Variants in SYT16 observed in about 807,000 individuals in gnomAD.
SYT16 encodes synaptotagmin 16.
Under a neutral mutation model 61.4 loss-of-function variants are expected in SYT16, and 42 were observed. The observed-to-expected ratio is 0.68, with a 90% confidence interval of 0.53 to 0.89. The LOEUF is 0.89. SYT16 is among the 40% of genes least tolerant of loss of function. SYT16 has a pLI of 0.00. For missense variants in SYT16, 804 were observed against 807.3 expected, an observed-to-expected ratio of 1.00 and a Z score of 0.05; for synonymous variants, 314 against 302.3, an observed-to-expected ratio of 1.04 and a Z score of -0.40.
intron 1 of SYT16, among the ~76,000 whole-genome samples, chr14:61,871,722 C>G (rs2047338381): frequency 6.6e-6 from 1 of 152,296 alleles, no homozygotes; most frequent in African/African-American, 2.4e-5. Flanking sequence ...GATTCCTTAA[C>G]TTTTTCACAT....
rs997629386 is a variant in SYT16, at chr14:62,103,360, T to C, written c.*2653T>C. The C allele has an allele frequency of 8.5e-5, 13 of 152,228 alleles. No homozygotes were observed. The highest frequency in any genetic ancestry group is 3.1e-4 in the African/African-American group (13 of 41,456). The allele number at this position is 152,228 out of a possible 1,614,324, so 9.4% of individuals were successfully genotyped here. On this transcript the variant is annotated 3_prime_UTR_variant, in exon 8 of 8. Transcript: ENST00000683842. ...TAATATCTCATAGGGAGATTTGACATTGAAGCAGCACTGGTTTTTGTTGCT... is the reference window on the plus strand; with the variant it reads ...TAATATCTCATAGGGAGATTTGACACTGAAGCAGCACTGGTTTTTGTTGCT...
intron 1 of SYT16, among the ~76,000 whole-genome samples, chr14:61,953,060 T>A (rs1015752560): frequency 6.6e-6 from 1 of 152,210 alleles, no homozygotes; most frequent in Non-Finnish European, 1.5e-5. Flanking sequence ...TTCTCTTCTT[T>A]TAGTTCTAGA....
chr14:61,988,886 T>G (rs952633323), intron 2 of SYT16, among the ~76,000 whole-genome samples: 26 of 152,142 alleles, frequency 1.7e-4, no homozygotes, highest in Non-Finnish European at 5.9e-5. Flanking sequence ...ATCGCATTTT[T>G]TTTTTAAAGA....
chr14:62,032,414 T>C (rs570930716), intron 3 of SYT16, among the ~76,000 whole-genome samples: 2 of 152,244 alleles, frequency 1.3e-5, no homozygotes, highest in Non-Finnish European at 2.9e-5. Flanking sequence ...TTTAAAAGAA[T>C]CAAGGATCAT....
chr14:61,886,972 C>A (rs376108958), intron 1 of SYT16, among the ~76,000 whole-genome samples: 2 of 144,920 alleles, frequency 1.4e-5, no homozygotes, highest in Admixed American at 7.2e-5. Flanking sequence ...CTCCTGGGCT[C>A]AAGCTATCCT....
chr14:61,919,434 A>T (rs566222143), intron 1 of SYT16, among the ~76,000 whole-genome samples: 1 of 152,246 alleles, frequency 6.6e-6, no homozygotes, highest in Non-Finnish European at 1.5e-5. Flanking sequence ...TCTCACTGGG[A>T]TAAATCAAGA....
At chr14:62,054,013 G>A (rs1041004397) in intron 3 of SYT16, among the ~76,000 whole-genome samples, 1 of 152,216 alleles carries the variant, frequency 6.6e-6, no homozygotes, top group African/African-American at 2.4e-5. Flanking sequence ...CCGTGAATGT[G>A]CATATCCATG....
chr14:62,065,085 T>C (rs1156994074), intron 3 of SYT16, among the ~76,000 whole-genome samples: 1 of 152,188 alleles, frequency 6.6e-6, no homozygotes, highest in Admixed American at 6.5e-5. Context: ...ACTGCCCTTT[T>C]CACTGCTCTG....
intron 1 of SYT16, among the ~76,000 whole-genome samples, chr14:61,953,079 A>G (rs970833212): frequency 6.6e-6 from 1 of 152,218 alleles, no homozygotes; most frequent in Non-Finnish European, 1.5e-5. Context: ...GAAGCATCAC[A>G]TAGCAAAAAA....
At chr14:61,816,703 C>A (rs1594673480) in intron 1 of SYT16, among the ~76,000 whole-genome samples, 1 of 152,102 alleles carries the variant, frequency 6.6e-6, no homozygotes, top group South Asian at 2.1e-4. Context: ...AGAGCTCTTT[C>A]TTTCTTAGTT....
intron 1 of SYT16, among the ~76,000 whole-genome samples, chr14:61,892,426 C>A (rs1453620015): frequency 1.3e-5 from 2 of 152,158 alleles, no homozygotes; most frequent in Middle Eastern, 3.2e-3. Flanking sequence ...CATTTTCTCT[C>A]ATGCTCTGCC....
At chr14:62,029,471 A>G (rs528583436) in intron 3 of SYT16, among the ~76,000 whole-genome samples, 8 of 152,152 alleles carry the variant, frequency 5.3e-5, no homozygotes, top group Non-Finnish European at 7.3e-5. Context: ...TTTTCTGTTG[A>G]TTGTGAAGAC....
At chr14:62,089,050 G>A (rs2056980963) in intron 7 of SYT16, among the ~76,000 whole-genome samples, 1 of 151,976 alleles carries the variant, frequency 6.6e-6, no homozygotes, top group African/African-American at 2.4e-5. Flanking sequence ...GGGCTTGGTG[G>A]CTCATGCCTG....
chr14:62,036,602 G>C (rs2054516945), intron 3 of SYT16, among the ~76,000 whole-genome samples: 1 of 152,120 alleles, frequency 6.6e-6, no homozygotes, highest in South Asian at 2.1e-4. Context: ...CACATGGCTA[G>C]GGAGGCCTCA....
chr14:62,040,690 C>G (rs2054692877), intron 3 of SYT16, among the ~76,000 whole-genome samples: 1 of 152,090 alleles, frequency 6.6e-6, no homozygotes, highest in Non-Finnish European at 1.5e-5. Context: ...TATCCATGTT[C>G]CTCTGTACAT....
At chr14:62,009,994 A>T (rs980509487) in intron 3 of SYT16, among the ~76,000 whole-genome samples, 3 of 152,088 alleles carry the variant, frequency 2.0e-5, no homozygotes, top group African/African-American at 7.2e-5. Flanking sequence ...CTTCCTATTC[A>T]TTTGACATCC....
At chr14:61,840,117 A>G (rs528519589) in intron 1 of SYT16, among the ~76,000 whole-genome samples, 24 of 152,188 alleles carry the variant, frequency 1.6e-4, no homozygotes, top group Non-Finnish European at 2.6e-4. Context: ...GGGAGAAAAT[A>G]AAAGATTATA....
intron 1 of SYT16, among the ~76,000 whole-genome samples, chr14:61,897,926 G>A (rs1268529931): frequency 3.3e-5 from 5 of 152,000 alleles, no homozygotes; most frequent in Non-Finnish European, 7.4e-5. Flanking sequence ...ACATCTCTTG[G>A]GGCTGCACTT....
chr14:61,837,720 T>C (rs2046175890), intron 1 of SYT16, among the ~76,000 whole-genome samples: 2 of 152,326 alleles, frequency 1.3e-5, no homozygotes, highest in Admixed American at 1.3e-4. Flanking sequence ...GGGTTCTCTT[T>C]CTCTGTGCAT....
Sources: gnomAD v4.1 joint callset for allele counts (sites outside exome capture counted in the v4.1 genomes callset) on GRCh38, gnomAD v4.1.1 for gene constraint, MANE v1.5 for transcripts, NCBI Gene and HGNC (gene_info 2026-07-23, HGNC 2026-07-21) for gene names.